The following FBXO17 variants were observed in gnomAD, a reference collection of about 807,000 sequenced individuals.
The protein encoded by FBXO17 is F-box protein 17, also known as F-box only protein 17.
Under a neutral mutation model 34.1 loss-of-function variants are expected in FBXO17, and 43 were observed. That is an observed-to-expected ratio of 1.26 (90% CI 0.99 to 1.62). The LOEUF (loss-of-function observed/expected upper bound fraction) is 1.62. Among genes scored for constraint, FBXO17 ranks in the 40% most tolerant of loss-of-function variants. The pLI is 0.00. For synonymous variants in FBXO17, 169 were observed against 166.0 expected (o/e 1.02, Z -0.14); for missense variants, 424 against 386.7 (o/e 1.10, Z -0.81).
At chr19:38,953,031 C>T (rs1430579485) in intron 1 of FBXO17, among the ~76,000 whole-genome samples, 1 of 152,134 alleles carries the variant, frequency 6.6e-6, no homozygotes, top group Non-Finnish European at 1.5e-5. Context: ...ACCTGGCACG[C>T]TGGCTCATGC....
At chr19:38,957,480 G>T in intron 1 of FBXO17, among the ~76,000 whole-genome samples, 1 of 152,066 alleles carries the variant, frequency 6.6e-6, no homozygotes, top group African/African-American at 2.4e-5. Flanking sequence ...CGGGTAGCTG[G>T]GATTACAGGC....
chr19:38,956,865 AAAAT>A (rs934029794), intron 1 of FBXO17, among the ~76,000 whole-genome samples: 3 of 152,024 alleles, frequency 2.0e-5, no homozygotes, highest in Non-Finnish European at 4.4e-5. Flanking sequence ...ACTCTGCCTC[AAAAT>A]AAATAAATAA....
In FBXO17 at chr19:38,950,014, G is replaced by C; in HGVS notation, c.306C>G (p.Arg102=). The C allele has an allele frequency of 1.9e-6, 3 of 1,559,568 alleles. No individual in the cohort carries two copies. Among genetic ancestry groups the C allele is most frequent in the Non-Finnish European group, 2.6e-6 (3 of 1,153,610 alleles). Residue 102 remains arginine (R), a synonymous_variant, in exon 2 of 6, where the codon CGC becomes CGG. Transcript: ENST00000292852. ...PLCALARYCL[R]APFGRNLIFN... is the part of the protein sequence containing the mutation. ...AGATGAGATTGCGGCCGAAGGGCGC[G>C]CGCAGACAGTAGCGCGCCAGGGCGC...
Position 38,941,712 on chromosome 19 carries a change from T to A in FBXO17, c.*896A>T, listed in dbSNP as rs1974888670. On this transcript the variant is annotated 3_prime_UTR_variant, in exon 6 of 6. Transcript: ENST00000292852. Reference sequence around the variant, plus strand: ...CAGGTGTTCCTCGCCCTCGTTCCAGTAAACCCACAACCTTCAGGGTGGGGG... The same window carrying A: ...CAGGTGTTCCTCGCCCTCGTTCCAGAAAACCCACAACCTTCAGGGTGGGGG... The A allele has an allele frequency of 6.6e-6, 1 of 152,186 alleles. No homozygotes were observed. Among genetic ancestry groups the A allele is most frequent in the South Asian group, 2.1e-4 (1 of 4,834 alleles). 9.4% of individuals were successfully genotyped at this position (152,186 alleles called of 1,614,324 possible).
At chr19:38,942,856 A>C in intron 5 of FBXO17, 105 bp from the exon 6 acceptor site, 2 of 1,135,580 alleles carry the variant, frequency 1.8e-6, no homozygotes, top group Non-Finnish European at 2.3e-6. Flanking sequence ...GTCCTGCGCT[A>C]GTTTGCTGGG....
At chr19:38,949,832 C>G (rs1276773955) in intron 2 of FBXO17, 139 bp downstream of exon 2, 2 of 1,102,440 alleles carry the variant, frequency 1.8e-6, no homozygotes, top group East Asian at 2.9e-5. Flanking sequence ...CGCCCAGGCA[C>G]TGCGTCCCTC....
intron 1 of FBXO17, among the ~76,000 whole-genome samples, chr19:38,969,684 C>A (rs1338622733): frequency 1.3e-5 from 2 of 150,682 alleles, no homozygotes; most frequent in African/African-American, 4.9e-5. Context: ...GCAACCTCCA[C>A]CTTCTGGGTT....
chr19:38,958,447 C>T (rs116308070), intron 1 of FBXO17, among the ~76,000 whole-genome samples: 1,522 of 143,454 alleles, frequency 0.011, 32 homozygotes, highest in African/African-American at 0.037. Context: ...GAAAGAAACA[C>T]GAAAAGTGGC....
chr19:38,944,818 A>C, intron 5 of FBXO17, 151 bp downstream of exon 5: 1 of 1,117,506 alleles, frequency 8.9e-7, no homozygotes, highest in Non-Finnish European at 1.3e-6. Context: ...GCGTCTTGAC[A>C]CAGGGCTTGG....
intron 1 of FBXO17, among the ~76,000 whole-genome samples, chr19:38,970,191 T>A (rs1460319671): frequency 6.6e-6 from 1 of 151,270 alleles, no homozygotes; most frequent in Non-Finnish European, 1.5e-5. Context: ...ACATGAATGA[T>A]TATCAAAAGC....
intron 1 of FBXO17, among the ~76,000 whole-genome samples, chr19:38,956,057 G>A (rs1975162408): frequency 6.6e-6 from 1 of 151,902 alleles, no homozygotes; most frequent in Non-Finnish European, 1.5e-5. Context: ...CCTGAGGTCG[G>A]GAGTTCAAGA....
At chr19:38,972,537 C>A (rs1435835586) in intron 1 of FBXO17, among the ~76,000 whole-genome samples, 1 of 142,722 alleles carries the variant, frequency 7.0e-6, no homozygotes, top group African/African-American at 2.5e-5. Flanking sequence ...AGAGTGAGAC[C>A]CCATCTCAAA....
intron 1 of FBXO17, among the ~76,000 whole-genome samples, chr19:38,963,768 T>C (rs1313598749): frequency 6.6e-6 from 1 of 151,076 alleles, no homozygotes; most frequent in African/African-American, 2.4e-5. Flanking sequence ...CAAGTGTTTG[T>C]GTGGACATAT....
rs180722791 is a variant in FBXO17 at position 38,952,619 on chromosome 19, C to T, written c.-17-2283G>A. 8 of 534,436 alleles carry T rather than the reference C, an allele frequency of 1.5e-5. No homozygotes were observed. In the African/African-American group the frequency reaches 1.5e-4, roughly 10 times the overall value. 33.1% of individuals were successfully genotyped at this position (534,436 alleles called of 1,614,324 possible). On this transcript the variant is annotated intron_variant, in intron 1 of 5. Transcript: ENST00000292852. Reference sequence around the variant, plus strand: ...TGACCCAGATCATGACTCCTCTCTTCTCCCTAATTTTAGCTCTGGGCTCAC... The same window carrying T: ...TGACCCAGATCATGACTCCTCTCTTTTCCCTAATTTTAGCTCTGGGCTCAC...
At chr19:38,952,727 CTGACCTCTCTCTAG>C in intron 1 of FBXO17, 1 of 489,032 alleles carries the variant, frequency 2.0e-6, no homozygotes, top group Non-Finnish European at 4.1e-6. Flanking sequence ...TCTCTGTTCC[CTGACCTCTCTCTAG>C]TGACTTTTTC....
At chr19:38,951,747 T>C (rs1025943112) in intron 1 of FBXO17, among the ~76,000 whole-genome samples, 13 of 151,416 alleles carry the variant, frequency 8.6e-5, no homozygotes, top group Non-Finnish European at 1.3e-4. Flanking sequence ...TCTCCCAGGT[T>C]CAAGTGATTC....
chr19:38,964,308 CT>C (rs966539145), intron 1 of FBXO17, among the ~76,000 whole-genome samples: 2 of 152,042 alleles, frequency 1.3e-5, no homozygotes, highest in Admixed American at 6.6e-5. Context: ...CTTCAGGATA[CT>C]TTCCTCTACC....
chr19:38,948,341 A>G (rs1224003490), intron 3 of FBXO17, among the ~76,000 whole-genome samples: 1 of 152,242 alleles, frequency 6.6e-6, no homozygotes, highest in African/African-American at 2.4e-5. Context: ...GATGATGCAC[A>G]GAGCATTGCT....
rs1195990379 is a variant in FBXO17, at chr19:38,948,559, C to T, written c.461+8G>A. 19 of 1,611,556 alleles carry T rather than the reference C, an allele frequency of 1.2e-5. No homozygotes were observed. The highest frequency in any genetic ancestry group is 1.5e-5 in the Non-Finnish European group (18 of 1,178,260). Reference sequence around the variant, plus strand: ...CAGGGATCGGGGCCTCTCACTTGGGCCACTCACTCGAAAGAGGTCACGAAG... The same window carrying T: ...CAGGGATCGGGGCCTCTCACTTGGGTCACTCACTCGAAAGAGGTCACGAAG... On this transcript the variant is annotated splice_region_variant and intron_variant, in intron 3 of 5. Transcript: ENST00000292852.
Sources: gnomAD v4.1 joint callset for allele counts (sites outside exome capture counted in the v4.1 genomes callset) on GRCh38, gnomAD v4.1.1 for gene constraint, MANE v1.5 for transcripts, NCBI Gene and HGNC (gene_info 2026-07-23, HGNC 2026-07-21) for gene names.